The following SAMD3 variants were observed in gnomAD, a reference collection of about 807,000 sequenced individuals.
The protein encoded by SAMD3 is sterile alpha motif domain containing 3.
In SAMD3, 63 loss-of-function variants were observed where a neutral mutation model predicts 58.5. That is an observed-to-expected ratio of 1.08 (90% CI 0.88 to 1.33). The LOEUF (loss-of-function observed/expected upper bound fraction) is 1.33. Ranked by LOEUF, SAMD3 falls within the 40% of genes most tolerant of loss-of-function variation. The pLI is 0.00. For missense variants in SAMD3, 604 were observed against 608.4 expected, an observed-to-expected ratio of 0.99 and a Z score of 0.08; for synonymous variants, 220 against 210.3, an observed-to-expected ratio of 1.05 and a Z score of -0.40.
At chr6:130,301,023 C>T (rs1394565977) in intron 2 of SAMD3, among the ~76,000 whole-genome samples, 10 of 152,198 alleles carry the variant, frequency 6.6e-5, no homozygotes, top group African/African-American at 1.4e-4. Flanking sequence ...CCTGTGTCCA[C>T]GTGTTCTCAC....
At chr6:130,188,499 T>G (rs1313188846) in intron 5 of SAMD3, among the ~76,000 whole-genome samples, 1 of 152,240 alleles carries the variant, frequency 6.6e-6, no homozygotes, top group Non-Finnish European at 1.5e-5. Context: ...GGCAAAGATG[T>G]GGACACTTCA....
At chr6:130,202,025 T>C (rs1794690215) in intron 5 of SAMD3, among the ~76,000 whole-genome samples, 1 of 152,208 alleles carries the variant, frequency 6.6e-6, no homozygotes, top group Non-Finnish European at 1.5e-5. Context: ...ACCCCATGTC[T>C]ACATAGTACC....
chr6:130,162,380 C>T, intron 8 of SAMD3: 1 of 645,490 alleles, frequency 1.5e-6, no homozygotes, highest in Non-Finnish European at 2.8e-6. Context: ...GTAGTTATAG[C>T]TTTTTTATCT....
intron 5 of SAMD3, among the ~76,000 whole-genome samples, chr6:130,195,046 T>C (rs892185120): frequency 9.9e-5 from 15 of 152,120 alleles, no homozygotes; most frequent in African/African-American, 2.9e-4. Flanking sequence ...ACTTAGACAA[T>C]ACTCTTTTAA....
chr6:130,357,203 C>T lies in SAMD3; in HGVS notation c.-304+7917G>A, dbSNP rs1777859031. On this transcript the variant is annotated intron_variant, in intron 1 of 13. Transcript: ENST00000368134. ...GCAGTGGCGTGATCTTGGCTCACTG[C>T]AAGCTCCGCCTCCCGGGTTCACGCC... Among the ~76,000 whole-genome samples the T allele has an allele frequency of 2.8e-5, 4 of 142,870 alleles. No individual in the cohort carries two copies. In the South Asian group the frequency reaches 8.9e-4, roughly 32 times the overall value. The allele number at this position is 142,870 out of a possible 152,430, so 93.7% of individuals were successfully genotyped here.
chr6:130,155,830 C>T (rs1362481547), intron 8 of SAMD3, among the ~76,000 whole-genome samples: 1 of 152,120 alleles, frequency 6.6e-6, no homozygotes, highest in African/African-American at 2.4e-5. Context: ...TCTGTGAACA[C>T]AGAATGACTA....
intron 8 of SAMD3, chr6:130,161,258 T>C (rs1790256876): frequency 6.6e-6 from 1 of 152,182 alleles, no homozygotes; most frequent in Non-Finnish European, 1.5e-5. Flanking sequence ...TTCTTCTGTA[T>C]GTCTCAAATG....
In SAMD3 at chr6:130,214,531, G is replaced by A. The variant is rs534237195; in HGVS notation, c.80-5C>T. ...CGGCCCCACTTACTTCTTCCTCTGG[G>A]AAAAAGAAAAAAAATTAGTTTCTAC... On this transcript the variant is annotated splice_polypyrimidine_tract_variant and splice_region_variant and intron_variant, in intron 3 of 11. Coordinates refer to ENST00000439090, the MANE Select transcript of SAMD3 (RefSeq NM_001017373.4). The A allele has an allele frequency of 2.6e-6, 4 of 1,561,694 alleles. No individual in the cohort carries two copies. The Admixed American group carries it at 6.0e-5, about 24-fold the overall frequency.
chr6:130,346,540 G>A (rs1777459236), intron 1 of SAMD3, among the ~76,000 whole-genome samples: 1 of 152,176 alleles, frequency 6.6e-6, no homozygotes, highest in Non-Finnish European at 1.5e-5. Context: ...TCCGGCCATT[G>A]CCCCATTGCT....
intron 2 of SAMD3, among the ~76,000 whole-genome samples, chr6:130,304,527 T>C (rs1191557867): frequency 1.3e-5 from 2 of 152,188 alleles, no homozygotes; most frequent in African/African-American, 4.8e-5. Context: ...ACTGAACACA[T>C]TCTCTATGTC....
intron 5 of SAMD3, among the ~76,000 whole-genome samples, chr6:130,194,169 G>T (rs921584556): frequency 1.3e-5 from 2 of 152,118 alleles, no homozygotes; most frequent in Non-Finnish European, 2.9e-5. Flanking sequence ...CTCTTAAAAA[G>T]GTGGCTGGAG....
intron 9 of SAMD3, among the ~76,000 whole-genome samples, chr6:130,150,991 C>T (rs145187377): frequency 0.069 from 10,502 of 152,150 alleles, 370 homozygotes; most frequent in African/African-American, 0.088. Context: ...GGATTACAGG[C>T]GTGAGCCACC....
At chr6:130,296,867 CA>C (rs1775587461) in intron 2 of SAMD3, among the ~76,000 whole-genome samples, 1 of 152,148 alleles carries the variant, frequency 6.6e-6, no homozygotes, top group African/African-American at 2.4e-5. Flanking sequence ...AGCCCTATGA[CA>C]GGGGTGTGAT....
intron 1 of SAMD3, among the ~76,000 whole-genome samples, chr6:130,347,290 G>A (rs1296220077): frequency 2.0e-5 from 3 of 152,032 alleles, no homozygotes; most frequent in Non-Finnish European, 2.9e-5. Flanking sequence ...AGCTAAAGGA[G>A]GAAGTTCAAA....
chr6:130,161,992 C>T (rs556064406), intron 8 of SAMD3: 14 of 339,854 alleles, frequency 4.1e-5, no homozygotes, highest in Non-Finnish European at 5.3e-5. Flanking sequence ...ACATGAAGCA[C>T]GAAAGAGATC....
chr6:130,304,999 A>G (rs1052261605), intron 2 of SAMD3, among the ~76,000 whole-genome samples: 10 of 135,126 alleles, frequency 7.4e-5, no homozygotes, highest in African/African-American at 1.5e-4. Flanking sequence ...CAGTGGTGCA[A>G]TCTTGGCTCA....
At chr6:130,326,087 T>C (rs1321043792) in intron 1 of SAMD3, among the ~76,000 whole-genome samples, 1 of 152,214 alleles carries the variant, frequency 6.6e-6, no homozygotes, top group Non-Finnish European at 1.5e-5. Context: ...GATGAATATT[T>C]ATCCAATCTA....
At chr6:130,282,529 A>G (rs1775015669) in intron 2 of SAMD3, among the ~76,000 whole-genome samples, 1 of 152,154 alleles carries the variant, frequency 6.6e-6, no homozygotes, top group African/African-American at 2.4e-5. Context: ...CCTCATGGGA[A>G]CAGAAACTGA....
In SAMD3 at chr6:130,222,758, C is replaced by T. The variant is rs1034035903; in HGVS notation, c.-132G>A. 3.9e-5 allele frequency: 6 copies of T among 152,094 alleles called. No homozygotes were observed. Among genetic ancestry groups the T allele is most frequent in the African/African-American group, 1.4e-4 (6 of 41,390 alleles). 9.4% of individuals were successfully genotyped at this position (152,094 alleles called of 1,614,324 possible). On this transcript the variant is annotated 5_prime_UTR_variant, in exon 1 of 12. Coordinates refer to ENST00000439090, the MANE Select transcript of SAMD3 (RefSeq NM_001017373.4). ...AAGAGAAGATCAAAGGAGAGAGCAC[C>T]CCTCCTCCCCAGGCAAATCCGATCA...
Sources: gnomAD v4.1 joint callset for allele counts (sites outside exome capture counted in the v4.1 genomes callset) on GRCh38, gnomAD v4.1.1 for gene constraint, MANE v1.5 for transcripts, NCBI Gene and HGNC (gene_info 2026-07-23, HGNC 2026-07-21) for gene names.